RNF13: variants seen among roughly 807,000 people sequenced by gnomAD.
RNF13 encodes E3 ubiquitin-protein ligase RNF13.
In RNF13, 19 loss-of-function variants were observed where a neutral mutation model predicts 37.7. That is an observed-to-expected ratio of 0.50 (90% CI 0.35 to 0.74). RNF13 has a LOEUF of 0.74. Among genes scored for constraint, RNF13 ranks in the 30% least tolerant of loss-of-function variants. The pLI, the probability that RNF13 is intolerant of heterozygous loss-of-function variation, is 0.01. For missense variants in RNF13, 375 were observed against 453.0 expected, an observed-to-expected ratio of 0.83 and a Z score of 1.56; for synonymous variants, 144 against 157.8, an observed-to-expected ratio of 0.91 and a Z score of 0.65.
intron 1 of RNF13, among the ~76,000 whole-genome samples, chr3:149,843,546 A>G (rs754921431): frequency 6.6e-5 from 10 of 152,218 alleles, no homozygotes; most frequent in Admixed American, 1.3e-4. Context: ...AACATGCTAC[A>G]TGTCATTGAA....
At chr3:149,913,956 G>A (rs536176925) in intron 7 of RNF13, among the ~76,000 whole-genome samples, 1 of 152,292 alleles carries the variant, frequency 6.6e-6, no homozygotes, top group Non-Finnish European at 1.5e-5. Context: ...CTGGGAAGGG[G>A]AGGGCATATC....
intron 3 of RNF13, among the ~76,000 whole-genome samples, chr3:149,869,639 G>A (rs1048977582): frequency 1.3e-4 from 19 of 151,794 alleles, no homozygotes; most frequent in African/African-American, 4.6e-4. Context: ...TTGCCATCTT[G>A]TTAGGGTTGC....
At chr3:149,906,396 C>G (rs1016551970) in intron 6 of RNF13, among the ~76,000 whole-genome samples, 3 of 152,004 alleles carry the variant, frequency 2.0e-5, no homozygotes, top group Non-Finnish European at 2.9e-5. Flanking sequence ...ATGTTTAACA[C>G]TTTGAGGAAC....
chr3:149,908,842 T>A (rs753002113), intron 6 of RNF13, among the ~76,000 whole-genome samples: 2 of 152,182 alleles, frequency 1.3e-5, no homozygotes, highest in Non-Finnish European at 2.9e-5. Context: ...GACAGGTTAT[T>A]ATTATCAAGC....
At chr3:149,946,648 A>C (rs1400544564) in intron 8 of RNF13, among the ~76,000 whole-genome samples, 1 of 152,190 alleles carries the variant, frequency 6.6e-6, no homozygotes, top group East Asian at 1.9e-4. Context: ...CTATGACATC[A>C]GTTGAATGTC....
intron 8 of RNF13, among the ~76,000 whole-genome samples, chr3:149,954,845 T>C (rs1027682586): frequency 9.2e-5 from 14 of 152,344 alleles, no homozygotes; most frequent in African/African-American, 3.4e-4. Context: ...TTACTCGTTA[T>C]TGTCCTCAAA....
chr3:149,892,708 G>A (rs1003716113), intron 4 of RNF13, among the ~76,000 whole-genome samples: 1 of 152,092 alleles, frequency 6.6e-6, no homozygotes, highest in African/African-American at 2.4e-5. Context: ...CACTTCTTAC[G>A]AGAATCTAAC....
At chr3:149,933,348 C>G (rs1576558682) in intron 8 of RNF13, among the ~76,000 whole-genome samples, 1 of 150,010 alleles carries the variant, frequency 6.7e-6, no homozygotes, top group East Asian at 2.0e-4. Context: ...GGTTGGTTCA[C>G]AGCCCACTTG....
rs1231802813 is a variant in RNF13, at chr3:149,958,559, CCA to C, written c.701-1494_701-1493del. 2.6e-5 allele frequency among the ~76,000 whole-genome samples: 4 copies of C among 152,180 alleles called. No individual in the cohort carries two copies. The East Asian group carries it at 7.7e-4, about 29-fold the overall frequency. ...CTTAGAGCCTTGGCACAGCTTTGAG[CCA>C]CAGTCAGTTCCTGTTCAGCTACATT... On this transcript the variant is annotated intron_variant, in intron 8 of 9. Transcript: ENST00000392894.
At chr3:149,931,579 T>C (rs1407651429) in intron 8 of RNF13, among the ~76,000 whole-genome samples, 2 of 152,182 alleles carry the variant, frequency 1.3e-5, no homozygotes, top group Non-Finnish European at 2.9e-5. Context: ...TATATAATAG[T>C]TGTACATATT....
intron 7 of RNF13, among the ~76,000 whole-genome samples, chr3:149,913,619 A>G (rs1431927687): frequency 6.6e-6 from 1 of 152,180 alleles, no homozygotes. Context: ...GGTCTATGAC[A>G]ATTTTGCTGT....
At chr3:149,884,639 G>T (rs1477834835) in intron 4 of RNF13, among the ~76,000 whole-genome samples, 1 of 151,882 alleles carries the variant, frequency 6.6e-6, no homozygotes, top group Non-Finnish European at 1.5e-5. Flanking sequence ...CATAGTAGGT[G>T]TATGTATTTA....
At chr3:149,876,238 C>T (rs1712676389) in intron 4 of RNF13, among the ~76,000 whole-genome samples, 1 of 152,172 alleles carries the variant, frequency 6.6e-6, no homozygotes, top group South Asian at 2.1e-4. Context: ...GCAACATATG[C>T]ACTTTATTCA....
chr3:149,944,926 G>A (rs1281907860), intron 8 of RNF13, among the ~76,000 whole-genome samples: 1 of 151,982 alleles, frequency 6.6e-6, no homozygotes, highest in Non-Finnish European at 1.5e-5. Context: ...TTTCTTCTAG[G>A]GTTTTTATGG....
chr3:149,816,916 A>C (rs1719517279), intron 1 of RNF13, among the ~76,000 whole-genome samples: 1 of 152,216 alleles, frequency 6.6e-6, no homozygotes, highest in Non-Finnish European at 1.5e-5. Context: ...TTATAATGAC[A>C]TTGACACTGG....
intron 1 of RNF13, among the ~76,000 whole-genome samples, chr3:149,820,974 ACTT>A (rs764837992): frequency 2.0e-5 from 3 of 152,206 alleles, no homozygotes; most frequent in Non-Finnish European, 4.4e-5. Context: ...ATATATCAGT[ACTT>A]CTTTCCTTTT....
intron 5 of RNF13, among the ~76,000 whole-genome samples, chr3:149,897,836 A>G (rs1250399834): frequency 6.6e-6 from 1 of 152,202 alleles, no homozygotes; most frequent in East Asian, 1.9e-4. Flanking sequence ...GCCTGGAAAC[A>G]AAAGGAAGTT....
At chr3:149,891,241 G>A (rs181981932) in intron 4 of RNF13, among the ~76,000 whole-genome samples, 72 of 152,280 alleles carry the variant, frequency 4.7e-4, no homozygotes, top group African/African-American at 1.7e-3. Context: ...ACATTGTGGA[G>A]TTGTATTGAA....
At chr3:149,905,478 A>G (rs1716295311) in intron 6 of RNF13, among the ~76,000 whole-genome samples, 1 of 149,966 alleles carries the variant, frequency 6.7e-6, no homozygotes, top group African/African-American at 2.5e-5. Context: ...TTTATTAGTT[A>G]TGTTGGTCCT....
Sources: allele counts gnomAD v4.1 joint callset (sites outside exome capture counted in the v4.1 genomes callset), GRCh38; gene constraint gnomAD v4.1.1; transcripts MANE v1.5; gene names NCBI Gene and HGNC (gene_info 2026-07-23, HGNC 2026-07-21).